The following PLXDC2 variants were observed in gnomAD, a reference collection of about 807,000 sequenced individuals.
PLXDC2 encodes the protein plexin domain-containing protein 2.
In PLXDC2, 40 loss-of-function variants were observed where a neutral mutation model predicts 68.9. The ratio of observed to expected loss-of-function variants is 0.58; its 90% CI spans 0.45 to 0.76. The LOEUF is 0.76. PLXDC2 is among the 30% of genes least tolerant of loss of function. The pLI, the probability that PLXDC2 is intolerant of heterozygous loss-of-function variation, is 0.00. For missense variants in PLXDC2, 644 were observed against 661.9 expected, an observed-to-expected ratio of 0.97 and a Z score of 0.30; for synonymous variants, 243 against 234.2, an observed-to-expected ratio of 1.04 and a Z score of -0.34.
At chr10:20,163,054 C>G (rs1564338365) in intron 6 of PLXDC2, among the ~76,000 whole-genome samples, 1 of 151,650 alleles carries the variant, frequency 6.6e-6, no homozygotes, top group South Asian at 2.1e-4. Context: ...GAGACTGTCC[C>G]AAAAATAAAA....
At chr10:20,136,518 G>T (rs2358847) in intron 4 of PLXDC2, among the ~76,000 whole-genome samples, 5,555 of 152,154 alleles carry the variant, frequency 0.037, 123 homozygotes, top group South Asian at 0.067. Flanking sequence ...CTGCAAACCC[G>T]CAGTTAAATA....
At chr10:20,012,604 G>A (rs771464976) in intron 2 of PLXDC2, among the ~76,000 whole-genome samples, 2 of 151,682 alleles carry the variant, frequency 1.3e-5, no homozygotes, top group East Asian at 1.9e-4. Context: ...GGGATTATAC[G>A]CGTCAACCAC....
At chr10:20,106,511 G>T (rs1179937516) in intron 4 of PLXDC2, among the ~76,000 whole-genome samples, 4 of 152,152 alleles carry the variant, frequency 2.6e-5, no homozygotes, top group Non-Finnish European at 5.9e-5. Context: ...GAGATAGCTT[G>T]CTCCCCTCTA....
intron 4 of PLXDC2, among the ~76,000 whole-genome samples, chr10:20,083,515 T>C (rs984335731): frequency 2.6e-5 from 4 of 152,048 alleles, no homozygotes; most frequent in Non-Finnish European, 4.4e-5. Flanking sequence ...CATGTATTAC[T>C]TTTCAAACAG....
chr10:20,028,274 C>T (rs1268152300), intron 2 of PLXDC2, among the ~76,000 whole-genome samples: 1 of 152,102 alleles, frequency 6.6e-6, no homozygotes, highest in East Asian at 1.9e-4. Context: ...TTCAAGGTCT[C>T]CAGGTGATTC....
At chr10:20,072,544 A>AAAGAAAAGAAAGAAAGAAAGAAAG in intron 4 of PLXDC2, among the ~76,000 whole-genome samples, 1 of 118,152 alleles carries the variant, frequency 8.5e-6, no homozygotes, top group South Asian at 2.9e-4. Flanking sequence ...AGAAAGAAAG[A>AAAGAAAAGAAAGAAAGAAAGAAAG]AAGAAAGAAA....
At chr10:19,883,495 A>G (rs1380563348) in intron 1 of PLXDC2, among the ~76,000 whole-genome samples, 3 of 152,122 alleles carry the variant, frequency 2.0e-5, no homozygotes, top group African/African-American at 7.2e-5. Flanking sequence ...TTATGTCTGT[A>G]TAGGTTGCTC....
At chr10:20,171,756 T>C (rs1834449327) in intron 7 of PLXDC2, among the ~76,000 whole-genome samples, 1 of 152,206 alleles carries the variant, frequency 6.6e-6, no homozygotes, top group South Asian at 2.1e-4. Context: ...TTCATTTTTT[T>C]GATTTATTAA....
intron 4 of PLXDC2, among the ~76,000 whole-genome samples, chr10:20,084,701 A>C (rs1381628133): frequency 1.3e-5 from 2 of 152,158 alleles, no homozygotes; most frequent in African/African-American, 4.8e-5. Context: ...CTAAAAAGAC[A>C]GTTGTGTTTA....
intron 9 of PLXDC2, among the ~76,000 whole-genome samples, chr10:20,210,593 AG>A (rs1311392251): frequency 6.6e-6 from 1 of 152,192 alleles, no homozygotes; most frequent in Admixed American, 6.5e-5. Flanking sequence ...ACCTATTTCT[AG>A]TGCAACTGGG....
intron 1 of PLXDC2, among the ~76,000 whole-genome samples, chr10:19,978,724 T>G (rs1834499515): frequency 1.3e-5 from 2 of 152,208 alleles, no homozygotes; most frequent in African/African-American, 4.8e-5. Flanking sequence ...GTGCTAACAA[T>G]CATTCATAAT....
chr10:19,913,667 A>T (rs1833315502), intron 1 of PLXDC2, among the ~76,000 whole-genome samples: 1 of 152,280 alleles, frequency 6.6e-6, no homozygotes, highest in South Asian at 2.1e-4. Context: ...ATTATGATGG[A>T]TGAAAATAAT....
chr10:20,195,169 C>A (rs1017895441), intron 9 of PLXDC2, among the ~76,000 whole-genome samples: 8 of 152,060 alleles, frequency 5.3e-5, no homozygotes, highest in African/African-American at 1.9e-4. Flanking sequence ...AAGATGAGAT[C>A]ACCTTGGGTG....
intron 3 of PLXDC2, among the ~76,000 whole-genome samples, chr10:20,061,539 G>T (rs543112127): frequency 6.6e-6 from 1 of 152,172 alleles, no homozygotes; most frequent in East Asian, 1.9e-4. Flanking sequence ...ACCAGATTTT[G>T]TCTTTTCACT....
At chr10:20,052,036 A>G (rs1220209291) in intron 3 of PLXDC2, among the ~76,000 whole-genome samples, 1 of 151,924 alleles carries the variant, frequency 6.6e-6, no homozygotes, top group Admixed American at 6.6e-5. Context: ...GAAAACACAC[A>G]CACACCGCAC....
chr10:19,940,689 T>C (rs999888928), intron 1 of PLXDC2, among the ~76,000 whole-genome samples: 1 of 152,174 alleles, frequency 6.6e-6, no homozygotes, highest in Admixed American at 6.5e-5. Flanking sequence ...AAATTCTTAG[T>C]AGAAGAATTT....
chr10:20,125,356 A>G (rs547981362), intron 4 of PLXDC2, among the ~76,000 whole-genome samples: 1 of 152,300 alleles, frequency 6.6e-6, no homozygotes, highest in South Asian at 2.1e-4. Context: ...TAGCCGAGCA[A>G]ACACAATTGG....
At chr10:19,901,528 G>GT (rs1838161221) in intron 1 of PLXDC2, among the ~76,000 whole-genome samples, 1 of 151,884 alleles carries the variant, frequency 6.6e-6, no homozygotes, top group South Asian at 2.1e-4. Flanking sequence ...GGGATCATTT[G>GT]TTTTTTTCTT....
intron 1 of PLXDC2, among the ~76,000 whole-genome samples, chr10:19,859,842 G>C (rs413480): frequency 0.57 from 85,787 of 151,828 alleles, 24,265 homozygotes; most frequent in East Asian, 0.7. Context: ...AGCGATTCTC[G>C]TGCCTCAGTC....
Sources: gnomAD v4.1 joint callset for allele counts (sites outside exome capture counted in the v4.1 genomes callset) on GRCh38, gnomAD v4.1.1 for gene constraint, MANE v1.5 for transcripts, NCBI Gene and HGNC (gene_info 2026-07-23, HGNC 2026-07-21) for gene names.